Variants in FRMPD4 observed in about 807,000 individuals in gnomAD.
FRMPD4 encodes the protein FERM and PDZ domain containing 4.
A neutral mutation model predicts 94.1 loss-of-function variants in FRMPD4; 22 were observed. That is an observed-to-expected ratio of 0.23 (90% confidence interval 0.17 to 0.33). The LOEUF (loss-of-function observed/expected upper bound fraction) is 0.33. FRMPD4 is among the 10% of genes least tolerant of loss of function. The pLI is 1.00. For synonymous variants in FRMPD4, 631 were observed against 548.6 expected (o/e 1.15, Z -2.10); for missense variants, 1,111 against 1,339.9 (o/e 0.83, Z 2.67).
intron 1 of FRMPD4, among the ~76,000 whole-genome samples, chrX:12,162,687 G>C (rs2056044960): frequency 9.0e-6 from 1 of 111,528 alleles, no homozygotes; most frequent in African/African-American, 3.3e-5. Context: ...CAGCATCTGG[G>C]GTTTAGTCCC....
chrX:12,612,969 G>T (rs1007733341), intron 3 of FRMPD4, among the ~76,000 whole-genome samples: 1 of 111,739 alleles, frequency 8.9e-6, no homozygotes, highest in African/African-American at 3.3e-5. Context: ...GCTACAGCTT[G>T]AATGACACAT....
At chrX:12,480,692 T>C (rs767782041) in intron 1 of FRMPD4, among the ~76,000 whole-genome samples, 3 of 112,159 alleles carry the variant, frequency 2.7e-5, no homozygotes, top group African/African-American at 9.7e-5. Flanking sequence ...AGAGTCCACA[T>C]GGGAAACATT....
intron 1 of FRMPD4, among the ~76,000 whole-genome samples, chrX:12,219,335 C>A (rs940113549): frequency 9.0e-6 from 1 of 111,135 alleles, no homozygotes; most frequent in East Asian, 2.8e-4. Flanking sequence ...CACCGTCGCA[C>A]CCCTGGGTGA....
intron 1 of FRMPD4, among the ~76,000 whole-genome samples, chrX:12,331,808 TATTTATATACTATATATAAATTA>T (rs2055401288): frequency 5.8e-5 from 2 of 34,512 alleles, no homozygotes; most frequent in South Asian, 1.6e-3. Flanking sequence ...AAATTATATA[TATTTATATACTATATATAAATTA>T]TATATATTTA....
chrX:12,706,924 T>A lies in FRMPD4; in HGVS notation c.1287+9T>A, dbSNP rs1234211596. ...TCAAGGCAACATTAGTGGTAATTTC[T>A]TTTTTTTTTTTTTTTTTGCTTTCTC... On this transcript the variant is annotated intron_variant, in intron 12 of 16. Transcript: ENST00000675598. The A allele has an allele frequency of 5.1e-4, 70 of 138,017 alleles. No individual in the cohort carries two copies. Among genetic ancestry groups the A allele is most frequent in the Non-Finnish European group, 7.2e-4 (63 of 87,405 alleles). 11.4% of individuals were successfully genotyped at this position (138,017 alleles called of 1,213,427 possible). A position where few individuals can be genotyped will look rare whatever the true frequency, so the allele number is the denominator to read the frequency against.
chrX:12,576,036 C>T (rs2058809075), intron 2 of FRMPD4, among the ~76,000 whole-genome samples: 1 of 112,352 alleles, frequency 8.9e-6, no homozygotes, highest in African/African-American at 3.2e-5. Flanking sequence ...ACCATGTCTA[C>T]ATATCCAACT....
At chrX:12,441,202 T>C (rs1472966478) in intron 1 of FRMPD4, among the ~76,000 whole-genome samples, 1 of 111,969 alleles carries the variant, frequency 8.9e-6, no homozygotes, top group African/African-American at 3.2e-5. Context: ...CTACAGAGCA[T>C]AATTTGGAAG....
At chrX:11,903,422 TCA>T (rs1296463887) in intron 3 of FRMPD4, among the ~76,000 whole-genome samples, 12 of 112,491 alleles carry the variant, frequency 1.1e-4, no homozygotes, top group African/African-American at 3.9e-4. Context: ...CTCAAAATAT[TCA>T]GTGTAGATAA....
chrX:11,848,510 G>GA (rs1555910697), intron 1 of FRMPD4, among the ~76,000 whole-genome samples: 3 of 99,094 alleles, frequency 3.0e-5, no homozygotes, highest in Admixed American at 2.2e-4. Context: ...CCCAGCCTGT[G>GA]TTTTTTTTTT....
intron 1 of FRMPD4, among the ~76,000 whole-genome samples, chrX:12,231,702 GTTATTGAAGCCTCCAAGGGCCTAGGTGA>G (rs1168334450): frequency 8.9e-6 from 1 of 111,802 alleles, no homozygotes; most frequent in Non-Finnish European, 1.9e-5. Context: ...GATTCTGTGT[GTTATTGAAGCCTCCAAGGGCCTAGGTGA>G]TTATTTTGTG....
intron 3 of FRMPD4, among the ~76,000 whole-genome samples, chrX:11,976,407 G>A (rs1205915605): frequency 8.9e-6 from 1 of 112,276 alleles, no homozygotes; most frequent in Non-Finnish European, 1.9e-5. Flanking sequence ...AAATCATGCA[G>A]CTTTGATGTT....
chrX:12,468,908 C>A (rs1394604584), intron 1 of FRMPD4, among the ~76,000 whole-genome samples: 1 of 112,270 alleles, frequency 8.9e-6, no homozygotes, highest in East Asian at 2.8e-4. Context: ...TCACATTGTA[C>A]AGGGCACATT....
At chrX:12,330,713 T>A (rs1003741496) in intron 1 of FRMPD4, among the ~76,000 whole-genome samples, 11 of 111,449 alleles carry the variant, frequency 9.9e-5, no homozygotes, top group Admixed American at 3.8e-4. Flanking sequence ...TTTGCCGCAG[T>A]GCCCTTCTTA....
At chrX:12,419,369 T>C (rs1388284597) in intron 1 of FRMPD4, among the ~76,000 whole-genome samples, 1 of 112,436 alleles carries the variant, frequency 8.9e-6, no homozygotes, top group Non-Finnish European at 1.9e-5. Context: ...ATCTGCAAAA[T>C]TGTAAAAAGA....
At chrX:12,185,242 C>T (rs2056409822) in intron 1 of FRMPD4, among the ~76,000 whole-genome samples, 1 of 111,623 alleles carries the variant, frequency 9.0e-6, no homozygotes, top group Non-Finnish European at 1.9e-5. Context: ...AAACACAACT[C>T]CTCAGCTCCG....
chrX:12,285,376 T>C (rs111647719), intron 1 of FRMPD4, among the ~76,000 whole-genome samples: 1,770 of 111,764 alleles, frequency 0.016, 36 homozygotes, highest in African/African-American at 0.055. Flanking sequence ...TACTTAATGG[T>C]GGGGCAGGGT....
chrX:12,716,152 G>A lies in FRMPD4; in HGVS notation c.1693G>A (p.Glu565Lys), dbSNP rs1292000536. 6 of 1,204,490 alleles carry A rather than the reference G, an allele frequency of 5.0e-6. No individual in the cohort carries two copies. In the Admixed American group the frequency reaches 8.8e-5, roughly 18 times the overall value. The part of the protein sequence containing the change: ...PQMTTFIGEG[E>K]QEAQITYIDS... ...AATGACCACCTTTATTGGCGAAGGG[G>A]AACAAGAAGCCCAGATAACATACAT... Residue 565 changes from glutamate to lysine, a missense_variant, in exon 15 of 17, where the codon GAA becomes AAA. Coordinates refer to ENST00000675598, the MANE Select transcript of FRMPD4 (RefSeq NM_001368397.1).
In FRMPD4 at chrX:12,430,916, A is replaced by G. The variant is rs1283772584; in HGVS notation, c.42-67764A>G. Among the ~76,000 whole-genome samples, 16 of 112,583 alleles carry G rather than the reference A, an allele frequency of 1.4e-4. No homozygotes were observed. In the Admixed American group the frequency reaches 1.5e-3, roughly 11 times the overall value. ...TCGGAAGCATCTGACTCTGGCTGCT[A>G]GTTTTCCAGACCAAAATTCCAATAA... is the stretch of plus-strand genomic sequence containing the variant. On this transcript the variant is annotated intron_variant, in intron 1 of 16. Coordinates refer to ENST00000675598, the MANE Select transcript of FRMPD4 (RefSeq NM_001368397.1).
At chrX:11,881,684 T>C (rs1342035603) in intron 3 of FRMPD4, among the ~76,000 whole-genome samples, 1 of 112,085 alleles carries the variant, frequency 8.9e-6, no homozygotes, top group African/African-American at 3.2e-5. Context: ...GGAAATATTC[T>C]GTATCTTGAT....
Sources: gnomAD v4.1 joint callset for allele counts (sites outside exome capture counted in the v4.1 genomes callset) on GRCh38, gnomAD v4.1.1 for gene constraint, MANE v1.5 for transcripts, NCBI Gene and HGNC (gene_info 2026-07-23, HGNC 2026-07-21) for gene names.